The following RBFOX1 variants were observed in gnomAD, a reference collection of about 807,000 sequenced individuals.
RBFOX1 encodes RNA binding fox-1 homolog 1.
In RBFOX1, 8 loss-of-function variants were observed where a neutral mutation model predicts 57.7. The observed-to-expected ratio is 0.14, with a 90% CI of 0.08 to 0.25. The LOEUF is 0.25. Ranked by LOEUF, RBFOX1 falls within the 10% of genes least tolerant of loss-of-function variation. The pLI is 1.00. For synonymous variants in RBFOX1, 326 were observed against 222.4 expected, an observed-to-expected ratio of 1.47 and a Z score of -4.15; for missense variants, 611 against 548.5, an observed-to-expected ratio of 1.11 and a Z score of -1.14.
chr16:6,427,969 C>T (rs1035847610), intron 2 of RBFOX1, among the ~76,000 whole-genome samples: 38 of 152,048 alleles, frequency 2.5e-4, no homozygotes, highest in African/African-American at 8.7e-4. Flanking sequence ...GGAGTTAATG[C>T]ATGAAAGCAC....
intron 4 of RBFOX1, among the ~76,000 whole-genome samples, chr16:7,459,212 G>C (rs2059106111): frequency 6.6e-6 from 1 of 152,136 alleles, no homozygotes; most frequent in African/African-American, 2.4e-5. Context: ...ATTTGGCCTT[G>C]GGTTTTAACA....
chr16:7,001,522 T>A (rs1231851224), intron 3 of RBFOX1, among the ~76,000 whole-genome samples: 2 of 152,072 alleles, frequency 1.3e-5, no homozygotes, highest in Non-Finnish European at 2.9e-5. Flanking sequence ...AGTTGCATGA[T>A]CTCAACTCGT....
chr16:5,272,461 C>T (rs1331822846), intron 1 of RBFOX1, among the ~76,000 whole-genome samples: 2 of 152,172 alleles, frequency 1.3e-5, no homozygotes, highest in Non-Finnish European at 2.9e-5. Context: ...CCTTGGTCCA[C>T]GAATGTTGAA....
intron 2 of RBFOX1, among the ~76,000 whole-genome samples, chr16:5,514,812 T>C (rs77988423): frequency 0.013 from 1,976 of 152,208 alleles, 52 homozygotes; most frequent in African/African-American, 0.046. Flanking sequence ...AACATAGTTC[T>C]GCCTTCCAGG....
chr16:6,457,120 G>C (rs1281095599), intron 2 of RBFOX1, among the ~76,000 whole-genome samples: 4 of 152,152 alleles, frequency 2.6e-5, no homozygotes, highest in Admixed American at 6.6e-5. Context: ...TTTAAAGAAT[G>C]AAAAGAAAAG....
chr16:6,908,018 C>G (rs983921931), intron 3 of RBFOX1, among the ~76,000 whole-genome samples: 3 of 151,708 alleles, frequency 2.0e-5, no homozygotes, highest in African/African-American at 7.2e-5. Flanking sequence ...AGGACATGGT[C>G]ATATTGGATT....
At chr16:6,771,277 C>G (rs9930085) in intron 3 of RBFOX1, among the ~76,000 whole-genome samples, 20,977 of 152,138 alleles carry the variant, frequency 0.14, 2,313 homozygotes, top group African/African-American at 0.3. Flanking sequence ...GTTTAAGCCA[C>G]ACAGTCTACG....
At chr16:5,756,241 A>C (rs1469962950) in intron 3 of RBFOX1, among the ~76,000 whole-genome samples, 2 of 151,140 alleles carry the variant, frequency 1.3e-5, no homozygotes. Context: ...AAAAAAAAAA[A>C]AAAAAAACCC....
chr16:7,364,616 A>G (rs2146901814), intron 4 of RBFOX1, among the ~76,000 whole-genome samples: 1 of 151,988 alleles, frequency 6.6e-6, no homozygotes, highest in African/African-American at 2.4e-5. Flanking sequence ...GGATCCCAGA[A>G]GAGAATTATT....
intron 1 of RBFOX1, among the ~76,000 whole-genome samples, chr16:5,305,826 G>A (rs2063919008): frequency 1.3e-5 from 2 of 152,170 alleles, no homozygotes; most frequent in East Asian, 3.9e-4. Flanking sequence ...GGGAGGCCTA[G>A]GTGGGGGGAT....
At chr16:6,510,399 C>G (rs1424817717) in intron 2 of RBFOX1, among the ~76,000 whole-genome samples, 2 of 152,144 alleles carry the variant, frequency 1.3e-5, no homozygotes, top group African/African-American at 2.4e-5. Context: ...CCGTTCTGCT[C>G]TTGTTGTTGA....
chr16:7,661,281 T>C (rs959661293), intron 12 of RBFOX1, among the ~76,000 whole-genome samples: 2 of 152,196 alleles, frequency 1.3e-5, no homozygotes, highest in Admixed American at 6.5e-5. Context: ...AATCCCTTCA[T>C]GATGGGGTTT....
chr16:5,942,925 T>C (rs17716828), intron 4 of RBFOX1, among the ~76,000 whole-genome samples: 30,424 of 152,232 alleles, frequency 0.2, 3,951 homozygotes, highest in Non-Finnish European at 0.29. Flanking sequence ...AATGTCCCTG[T>C]CTGGTGCTGA....
At chr16:6,518,011 T>C (rs572117579) in intron 2 of RBFOX1, among the ~76,000 whole-genome samples, 1 of 152,332 alleles carries the variant, frequency 6.6e-6, no homozygotes, top group South Asian at 2.1e-4. Context: ...ATGTTCTTGA[T>C]GCCTCATTGA....
In RBFOX1 at chr16:7,220,124, A is replaced by G. The variant is rs1031741060; in HGVS notation, c.27+168026A>G. ...CAAACAAAATTCACCATATTCAACA[A>G]TTGTCCTAGCACCCATCTCCCCTCC... On this transcript the variant is annotated intron_variant, in intron 4 of 15. Transcript: ENST00000550418. Among the ~76,000 whole-genome samples the G allele has an allele frequency of 6.6e-5, 10 of 152,204 alleles. No individual in the cohort carries two copies. The South Asian group carries it at 1.7e-3, about 25-fold the overall frequency.
intron 4 of RBFOX1, among the ~76,000 whole-genome samples, chr16:7,245,008 C>G (rs1291184599): frequency 6.6e-6 from 1 of 152,176 alleles, no homozygotes; most frequent in Admixed American, 6.5e-5. Flanking sequence ...AGCTGCTCCT[C>G]AGCTGCATAC....
chr16:5,981,490 A>T (rs150420013), intron 4 of RBFOX1, among the ~76,000 whole-genome samples: 411 of 152,112 alleles, frequency 2.7e-3, no homozygotes, highest in African/African-American at 9.2e-3. Flanking sequence ...TATTTTTGAG[A>T]TGGAGTCTCA....
At chr16:6,606,213 G>A (rs1601321394) in intron 2 of RBFOX1, among the ~76,000 whole-genome samples, 1 of 152,272 alleles carries the variant, frequency 6.6e-6, no homozygotes, top group African/African-American at 2.4e-5. Flanking sequence ...GGTAATCGGA[G>A]GCTAAAATAG....
At chr16:7,174,413 T>C (rs148218623) in intron 4 of RBFOX1, among the ~76,000 whole-genome samples, 1 of 152,306 alleles carries the variant, frequency 6.6e-6, no homozygotes, top group Non-Finnish European at 1.5e-5. Flanking sequence ...GGATATATGC[T>C]TTCACCTTTC....
Sources: allele counts gnomAD v4.1 joint callset (sites outside exome capture counted in the v4.1 genomes callset), GRCh38; gene constraint gnomAD v4.1.1; transcripts MANE v1.5; gene names NCBI Gene and HGNC (gene_info 2026-07-23, HGNC 2026-07-21).